BRINP3: variants seen among roughly 807,000 people sequenced by gnomAD.
BRINP3 encodes the protein BMP/retinoic acid-inducible neural-specific protein 3.
A neutral mutation model predicts 71.0 loss-of-function variants in BRINP3; 19 were observed. The ratio of observed to expected loss-of-function variants is 0.27; its 90% CI spans 0.19 to 0.39. BRINP3 has a LOEUF of 0.39. BRINP3 is among the 10% of genes least tolerant of loss of function. BRINP3 has a pLI of 1.00. For missense variants in BRINP3, 959 were observed against 940.8 expected (o/e 1.02, Z -0.25); for synonymous variants, 380 against 337.7 (o/e 1.13, Z -1.37).
At chr1:190,174,179 T>C (rs773545264) in intron 6 of BRINP3, among the ~76,000 whole-genome samples, 4 of 152,288 alleles carry the variant, frequency 2.6e-5, no homozygotes. Context: ...ATCAGTCCTA[T>C]GAAGTAAATA....
intron 6 of BRINP3, among the ~76,000 whole-genome samples, chr1:190,195,895 C>G (rs1448670198): frequency 1.3e-5 from 2 of 151,900 alleles, no homozygotes; most frequent in Non-Finnish European, 2.9e-5. Flanking sequence ...CTCAATTATT[C>G]AATTATTCTT....
chr1:190,477,199 A>G (rs1262763055), intron 1 of BRINP3, among the ~76,000 whole-genome samples: 1 of 152,184 alleles, frequency 6.6e-6, no homozygotes, highest in Non-Finnish European at 1.5e-5. Flanking sequence ...ATAAATGAGG[A>G]CAAATATTTT....
chr1:190,200,407 A>G (rs1365397590), intron 6 of BRINP3, among the ~76,000 whole-genome samples: 1 of 152,130 alleles, frequency 6.6e-6, no homozygotes, highest in African/African-American at 2.4e-5. Flanking sequence ...GATCTTAGAG[A>G]CCATATATTA....
chr1:190,252,274 G>A (rs1304625359), intron 4 of BRINP3, among the ~76,000 whole-genome samples: 1 of 152,012 alleles, frequency 6.6e-6, no homozygotes, highest in Non-Finnish European at 1.5e-5. Flanking sequence ...ACACTGATGG[G>A]ATTTCCTAGT....
At chr1:190,454,323 G>A (rs1169688083) in intron 2 of BRINP3, among the ~76,000 whole-genome samples, 1 of 152,072 alleles carries the variant, frequency 6.6e-6, no homozygotes, top group African/African-American at 2.4e-5. Context: ...AAGGTAGAAA[G>A]GAAAAGCAAT....
intron 1 of BRINP3, among the ~76,000 whole-genome samples, chr1:190,458,364 A>T (rs1676151130): frequency 6.6e-6 from 1 of 152,128 alleles, no homozygotes; most frequent in Admixed American, 6.5e-5. Flanking sequence ...AGTGTTTAAG[A>T]ACTTTTTTCA....
chr1:190,187,358 T>G (rs1350194821), intron 6 of BRINP3, among the ~76,000 whole-genome samples: 1 of 152,120 alleles, frequency 6.6e-6, no homozygotes, highest in African/African-American at 2.4e-5. Flanking sequence ...TTGTTTCCTT[T>G]AAGTGCAGAA....
At position 190,160,760 on chromosome 1, in the gene BRINP3, T is replaced by A. The variant is rs193033619; in HGVS notation, c.1092A>T (p.Gln364His). 6.2e-7 allele frequency: 1 copy of A among 1,613,630 alleles called. No homozygotes were observed. Among genetic ancestry groups the A allele is most frequent in the Non-Finnish European group, 8.5e-7 (1 of 1,179,694 alleles). ...CAATTTTCTGCGCCTTTAGGAAAAG[T>A]TGTTTCATGCTGTTCTCCAGTTGTT... is the stretch of plus-strand genomic sequence containing the variant. ...RYEQLENSMK[Q>H]LFLKAQKIVH... The change falls in exon 7 of 8, where the codon CAA becomes CAT. Residue 364 changes from glutamine to histidine, a missense_variant. Gln to His is a conservative substitution (Grantham distance 24). Transcript: ENST00000367462.
chr1:190,384,919 T>A (rs547522220), intron 2 of BRINP3, among the ~76,000 whole-genome samples: 1 of 151,952 alleles, frequency 6.6e-6, no homozygotes, highest in African/African-American at 2.4e-5. Context: ...ATGCCACATA[T>A]CTACAACTAT....
chr1:190,403,738 C>T (rs554211031), intron 2 of BRINP3, among the ~76,000 whole-genome samples: 1 of 152,282 alleles, frequency 6.6e-6, no homozygotes, highest in East Asian at 1.9e-4. Flanking sequence ...ATATTTTGAG[C>T]TTCTTCTAGT....
intron 7 of BRINP3, among the ~76,000 whole-genome samples, chr1:190,140,568 A>G (rs1310783507): frequency 1.3e-5 from 2 of 152,150 alleles, no homozygotes; most frequent in Admixed American, 6.5e-5. Flanking sequence ...GTTTAATTTT[A>G]TTTCCTAAAA....
intron 7 of BRINP3, among the ~76,000 whole-genome samples, chr1:190,107,817 C>T (rs2102269170): frequency 6.6e-6 from 1 of 152,040 alleles, no homozygotes; most frequent in South Asian, 2.1e-4. Context: ...AGTGAACACT[C>T]TTAAAAACTC....
chr1:190,440,213 A>T (rs1350722263), intron 2 of BRINP3, among the ~76,000 whole-genome samples: 1 of 151,982 alleles, frequency 6.6e-6, no homozygotes, highest in African/African-American at 2.4e-5. Flanking sequence ...GATATGTTTT[A>T]TTCATGTCTC....
At chr1:190,314,534 C>T (rs540311122) in intron 2 of BRINP3, among the ~76,000 whole-genome samples, 2 of 152,228 alleles carry the variant, frequency 1.3e-5, no homozygotes, top group African/African-American at 4.8e-5. Context: ...TCAGCTTAAC[C>T]ATGCTGTCTG....
intron 6 of BRINP3, among the ~76,000 whole-genome samples, chr1:190,166,890 G>A (rs1470903315): frequency 6.6e-6 from 1 of 151,870 alleles, no homozygotes; most frequent in African/African-American, 2.4e-5. Flanking sequence ...CTTCCGGCTA[G>A]TTTTTTATAT....
At chr1:190,149,305 G>A (rs1479994043) in intron 7 of BRINP3, among the ~76,000 whole-genome samples, 1 of 152,106 alleles carries the variant, frequency 6.6e-6, no homozygotes, top group Non-Finnish European at 1.5e-5. Context: ...TATTTAGATA[G>A]GTATTTCACT....
At chr1:190,354,095 C>T (rs1426542424) in intron 2 of BRINP3, among the ~76,000 whole-genome samples, 3 of 151,998 alleles carry the variant, frequency 2.0e-5, no homozygotes, top group African/African-American at 7.2e-5. Flanking sequence ...CCCCTTCCCT[C>T]ACCAGATGTT....
chr1:190,279,492 C>T (rs74857045), intron 3 of BRINP3, among the ~76,000 whole-genome samples: 2,390 of 151,838 alleles, frequency 0.016, 77 homozygotes, highest in African/African-American at 0.053. Flanking sequence ...GCCTAAAAGA[C>T]GGGGAGGGAG....
intron 2 of BRINP3, among the ~76,000 whole-genome samples, chr1:190,396,713 G>GAGATAT (rs1553310921): frequency 2.0e-5 from 2 of 101,022 alleles, no homozygotes; most frequent in African/African-American, 3.8e-5. Flanking sequence ...CTAATTTAAT[G>GAGATAT]ATATATATAT....
Sources: gnomAD v4.1 joint callset for allele counts (sites outside exome capture counted in the v4.1 genomes callset) on GRCh38, gnomAD v4.1.1 for gene constraint, MANE v1.5 for transcripts, NCBI Gene and HGNC (gene_info 2026-07-23, HGNC 2026-07-21) for gene names.